Variants in SMAP1 observed in about 807,000 individuals in gnomAD.
SMAP1 encodes the protein stromal membrane-associated protein 1.
In SMAP1, 24 loss-of-function variants were observed where a neutral mutation model predicts 58.5. The ratio of observed to expected loss-of-function variants is 0.41; its 90% CI spans 0.30 to 0.58. The LOEUF (loss-of-function observed/expected upper bound fraction) is 0.58, where lower values mean the gene tolerates loss of function less well. Among genes scored for constraint, SMAP1 ranks in the 20% least tolerant of loss-of-function variants. The pLI is 0.29. For synonymous variants in SMAP1, 216 were observed against 196.6 expected, an observed-to-expected ratio of 1.10 and a Z score of -0.82; for missense variants, 563 against 566.3, an observed-to-expected ratio of 0.99 and a Z score of 0.06.
intron 6 of SMAP1, among the ~76,000 whole-genome samples, chr6:70,805,364 G>T (rs1316090617): frequency 6.6e-6 from 1 of 152,210 alleles, no homozygotes; most frequent in East Asian, 1.9e-4. Context: ...GTCATTTAAG[G>T]TCTTCTCTAC....
intron 6 of SMAP1, among the ~76,000 whole-genome samples, chr6:70,821,582 C>T (rs1010848504): frequency 2.0e-5 from 3 of 152,082 alleles, no homozygotes; most frequent in South Asian, 2.1e-4. Context: ...TTGACTACTA[C>T]GTGAAGAAAG....
intron 1 of SMAP1, among the ~76,000 whole-genome samples, chr6:70,714,107 C>T (rs1162819454): frequency 6.6e-6 from 1 of 152,058 alleles, no homozygotes; most frequent in African/African-American, 2.4e-5. Flanking sequence ...CTTCACTTTC[C>T]ACGTATGTGT....
chr6:70,799,511 C>T (rs1768755511), intron 6 of SMAP1, among the ~76,000 whole-genome samples: 1 of 152,092 alleles, frequency 6.6e-6, no homozygotes, highest in Non-Finnish European at 1.5e-5. Context: ...TGCATTTCAT[C>T]ATAAGAGTAT....
At chr6:70,759,099 T>C (rs960857849) in intron 3 of SMAP1, among the ~76,000 whole-genome samples, 1 of 152,148 alleles carries the variant, frequency 6.6e-6, no homozygotes, top group Non-Finnish European at 1.5e-5. Flanking sequence ...TTCTTTATTT[T>C]GCAGATTTTA....
At chr6:70,668,798 C>T (rs1295419891) in intron 1 of SMAP1, 45 of 1,450,720 alleles carry the variant, frequency 3.1e-5, no homozygotes, top group Non-Finnish European at 4.2e-5. Context: ...TGGTTATTAG[C>T]CAGAATGAAG....
chr6:70,787,479 C>T (rs146042581), intron 4 of SMAP1, among the ~76,000 whole-genome samples: 99,372 of 148,566 alleles, frequency 0.67, 34,306 homozygotes, highest in African/African-American at 0.86. Flanking sequence ...AGCTTCTGCA[C>T]AGCAAAAGAA....
At chr6:70,750,300 T>C (rs958089343) in intron 2 of SMAP1, among the ~76,000 whole-genome samples, 2 of 152,226 alleles carry the variant, frequency 1.3e-5, no homozygotes, top group Non-Finnish European at 2.9e-5. Flanking sequence ...TGCTTACTCA[T>C]TGATTCTACC....
At chr6:70,774,423 A>G (rs1283993375) in intron 4 of SMAP1, among the ~76,000 whole-genome samples, 1 of 152,224 alleles carries the variant, frequency 6.6e-6, no homozygotes. Flanking sequence ...CTGTCAAGCA[A>G]TTTAGATACT....
intron 2 of SMAP1, among the ~76,000 whole-genome samples, chr6:70,746,456 TTGTG>T (rs1376998333): frequency 6.6e-6 from 1 of 152,196 alleles, no homozygotes; most frequent in Non-Finnish European, 1.5e-5. Flanking sequence ...TTGGTTCTGT[TTGTG>T]TGATGGATTA....
chr6:70,696,980 A>C (rs1352861368), intron 1 of SMAP1, among the ~76,000 whole-genome samples: 1 of 152,188 alleles, frequency 6.6e-6, no homozygotes, highest in Admixed American at 6.5e-5. Flanking sequence ...CCCCTTTATC[A>C]TTATAAAATG....
At chr6:70,804,952 C>G (rs1057165647) in intron 6 of SMAP1, among the ~76,000 whole-genome samples, 7 of 150,848 alleles carry the variant, frequency 4.6e-5, no homozygotes, top group African/African-American at 1.7e-4. Flanking sequence ...TTCATTTCAG[C>G]CTTGGTGAAT....
At chr6:70,764,449 T>A (rs542182504) in intron 3 of SMAP1, among the ~76,000 whole-genome samples, 30 of 152,304 alleles carry the variant, frequency 2.0e-4, no homozygotes, top group African/African-American at 7.2e-4. Context: ...ACTTTCTTGT[T>A]AGGAAAATGC....
At chr6:70,751,806 G>A (rs964558714) in intron 2 of SMAP1, among the ~76,000 whole-genome samples, 1 of 152,092 alleles carries the variant, frequency 6.6e-6, no homozygotes, top group East Asian at 1.9e-4. Context: ...GGAACTAGAT[G>A]GTAGAGGTTC....
At chr6:70,856,100 C>A (rs967079768) in intron 8 of SMAP1, among the ~76,000 whole-genome samples, 2 of 152,170 alleles carry the variant, frequency 1.3e-5, no homozygotes, top group Non-Finnish European at 2.9e-5. Flanking sequence ...TTGAAACTCT[C>A]TTCATATTCA....
chr6:70,679,751 C>G (rs992026398), intron 1 of SMAP1, among the ~76,000 whole-genome samples: 4 of 152,090 alleles, frequency 2.6e-5, no homozygotes, highest in African/African-American at 9.7e-5. Context: ...AGAGAGGTAT[C>G]AGAGATATCA....
At chr6:70,822,992 G>GGT (rs1464967771) in intron 6 of SMAP1, among the ~76,000 whole-genome samples, 96 of 151,786 alleles carry the variant, frequency 6.3e-4, no homozygotes, top group Non-Finnish European at 1.2e-3. Context: ...ATCTTTCTTA[G>GGT]AATTTTCATC....
intron 5 of SMAP1, among the ~76,000 whole-genome samples, chr6:70,796,623 T>G (rs1018713436): frequency 3.3e-5 from 5 of 152,336 alleles, no homozygotes; most frequent in African/African-American, 1.2e-4. Flanking sequence ...TACATCTTCC[T>G]TATTTCCAGT....
chr6:70,791,230 T>C (rs1156657108), intron 4 of SMAP1, among the ~76,000 whole-genome samples: 2 of 152,234 alleles, frequency 1.3e-5, no homozygotes, highest in African/African-American at 4.8e-5. Context: ...AATTAACTTT[T>C]GCTATTTCAA....
chr6:70,809,969 A>G (rs1016752950), intron 6 of SMAP1, among the ~76,000 whole-genome samples: 40 of 152,184 alleles, frequency 2.6e-4, no homozygotes, highest in African/African-American at 9.2e-4. Flanking sequence ...ATAGAATGCT[A>G]GTTGCTGTTA....
Sources: allele counts gnomAD v4.1 joint callset (sites outside exome capture counted in the v4.1 genomes callset), GRCh38; gene constraint gnomAD v4.1.1; transcripts MANE v1.5; gene names NCBI Gene and HGNC (gene_info 2026-07-23, HGNC 2026-07-21).